The following ETV6 variants were observed in gnomAD, a reference collection of about 807,000 sequenced individuals.
ETV6 encodes the protein ETS variant transcription factor 6, also known as transcription factor ETV6.
In ETV6, 16 loss-of-function variants were observed where a neutral mutation model predicts 51.1. That is an observed-to-expected ratio of 0.31 (90% CI 0.21 to 0.48). The LOEUF (loss-of-function observed/expected upper bound fraction) is 0.48. Among genes scored for constraint, ETV6 ranks in the 20% least tolerant of loss-of-function variants. The pLI, the probability that ETV6 is intolerant of heterozygous loss-of-function variation, is 0.99. For missense variants in ETV6, 458 were observed against 594.8 expected, an observed-to-expected ratio of 0.77 and a Z score of 2.39; for synonymous variants, 240 against 224.1, an observed-to-expected ratio of 1.07 and a Z score of -0.64.
rs575351016 is a variant in ETV6 at position 11,834,595 on chromosome 12, G to A, written c.164-4545G>A. ...CTTATCAACTCTGAAGTACTACCCC[G>A]ATGCAAGCAGTTATGTTGATTATTG... On this transcript the variant is annotated intron_variant, in intron 2 of 7. Coordinates refer to ENST00000396373, the MANE Select transcript of ETV6 (RefSeq NM_001987.5). 1.6e-3 allele frequency among the ~76,000 whole-genome samples: 247 copies of A among 152,256 alleles called. 1 individual carries two copies. Among genetic ancestry groups the A allele is most frequent in the Non-Finnish European group, 2.9e-3 (195 of 68,020 alleles).
At chr12:11,815,834 T>C (rs534533214) in intron 2 of ETV6, among the ~76,000 whole-genome samples, 1 of 152,220 alleles carries the variant, frequency 6.6e-6, no homozygotes, top group South Asian at 2.1e-4. Flanking sequence ...TAGTAGAAAC[T>C]CTTGGAACCT....
intron 2 of ETV6, among the ~76,000 whole-genome samples, chr12:11,784,999 G>A (rs1038152617): frequency 1.3e-5 from 2 of 151,232 alleles, no homozygotes; most frequent in Non-Finnish European, 2.9e-5. Flanking sequence ...GAACCACTGC[G>A]CCTGGCCGGG....
Position 11,893,488 on chromosome 12 carries a change from G to A in ETV6, c.*2442G>A, listed in dbSNP as rs1256401487. ...TCAGCCACTTGAAGAAGAAATAGAA[G>A]GCGCTCATTCCAATATAGTCTTTAT... On this transcript the variant is annotated 3_prime_UTR_variant, in exon 8 of 8. Coordinates refer to ENST00000396373, the MANE Select transcript of ETV6 (RefSeq NM_001987.5). 1 of 231,694 alleles carries A rather than the reference G, an allele frequency of 4.3e-6. No individual in the cohort carries two copies. Among genetic ancestry groups the A allele is most frequent in the Non-Finnish European group, 8.5e-6 (1 of 117,270 alleles). 14.4% of individuals were successfully genotyped at this position (231,694 alleles called of 1,614,324 possible).
At chr12:11,722,389 C>G (rs946902626) in intron 1 of ETV6, among the ~76,000 whole-genome samples, 4 of 152,142 alleles carry the variant, frequency 2.6e-5, no homozygotes, top group African/African-American at 9.7e-5. Context: ...TGAGTTAACT[C>G]CAGTAAAATG....
intron 5 of ETV6, among the ~76,000 whole-genome samples, chr12:11,879,336 C>G (rs1311186419): frequency 6.6e-6 from 1 of 152,136 alleles, no homozygotes; most frequent in South Asian, 2.1e-4. Context: ...TAAACATTCC[C>G]TATGTCAATA....
rs944596165 is a variant in ETV6, at chr12:11,791,657, G to C, written c.163+39078G>C. Among the ~76,000 whole-genome samples, 3 of 152,208 alleles carry C rather than the reference G, an allele frequency of 2.0e-5. No homozygotes were observed. In the East Asian group the frequency reaches 5.8e-4, roughly 29 times the overall value. On this transcript the variant is annotated intron_variant, in intron 2 of 7. Coordinates refer to ENST00000396373, the MANE Select transcript of ETV6 (RefSeq NM_001987.5). Reference sequence around the variant, plus strand: ...GAAGAATCTGGATAGAACCCAGATAGTTATATTTTTGTTTTTACACTGACC... The same window carrying C: ...GAAGAATCTGGATAGAACCCAGATACTTATATTTTTGTTTTTACACTGACC...
chr12:11,886,067 G>C lies in ETV6; in HGVS notation c.1253+41G>C, dbSNP rs189708945. Reference sequence around the variant, plus strand: ...TCTCCTTTCCTTCTTTTGGGAGGATGCTGTTTTCTTTAAATAACGGGGAGT... The same window carrying C: ...TCTCCTTTCCTTCTTTTGGGAGGATCCTGTTTTCTTTAAATAACGGGGAGT... On this transcript the variant is annotated intron_variant, in intron 7 of 7. Transcript: ENST00000396373. The C allele has an allele frequency of 1.9e-4, 278 of 1,445,006 alleles. 1 individual carries two copies. The African/African-American group carries it at 3.4e-3, about 18-fold the overall frequency. The allele number at this position is 1,445,006 out of a possible 1,614,324, so 89.5% of individuals were successfully genotyped here. A position where few individuals can be genotyped will look rare whatever the true frequency, so the allele number is the denominator to read the frequency against.
chr12:11,876,156 G>A (rs1308669674), intron 5 of ETV6, among the ~76,000 whole-genome samples: 1 of 152,106 alleles, frequency 6.6e-6, no homozygotes, highest in Non-Finnish European at 1.5e-5. Flanking sequence ...GACAGGTTCT[G>A]GACTGCAGGC....
chr12:11,813,172 A>C (rs937741092), intron 2 of ETV6, among the ~76,000 whole-genome samples: 6 of 152,248 alleles, frequency 3.9e-5, no homozygotes, highest in Non-Finnish European at 7.3e-5. Context: ...AGATACAGGA[A>C]ATCAGAATTT....
intron 1 of ETV6, among the ~76,000 whole-genome samples, chr12:11,659,821 A>G (rs1006106742): frequency 6.6e-6 from 1 of 152,060 alleles, no homozygotes; most frequent in Non-Finnish European, 1.5e-5. Context: ...AAGTTCTGGC[A>G]CTGCTAAGAG....
At chr12:11,864,573 T>A (rs1001077166) in intron 4 of ETV6, among the ~76,000 whole-genome samples, 5 of 152,172 alleles carry the variant, frequency 3.3e-5, no homozygotes, top group African/African-American at 1.2e-4. Flanking sequence ...ATAAATACAT[T>A]TCTATGGGCA....
chr12:11,748,565 A>G (rs541334749), intron 1 of ETV6, among the ~76,000 whole-genome samples: 3 of 152,296 alleles, frequency 2.0e-5, no homozygotes, highest in African/African-American at 4.8e-5. Flanking sequence ...CCCGTGATTT[A>G]TGGAAGCTTT....
In ETV6 at chr12:11,701,275, C is replaced by T. The variant is rs189916579; in HGVS notation, c.33+51115C>T. Among the ~76,000 whole-genome samples, 401 of 152,274 alleles carry T rather than the reference C, an allele frequency of 2.6e-3. 8 individuals carry two copies. Among genetic ancestry groups the T allele is most frequent in the Admixed American group, 0.023 (357 of 15,298 alleles). The stretch of plus-strand genomic sequence containing the variant: ...CAGCTGAAACTCTGTCCCCAGCAAA[C>T]GCTGGCATGCCCTTCTCCCCTCCCC... On this transcript the variant is annotated intron_variant, in intron 1 of 7. Transcript: ENST00000396373.
intron 2 of ETV6, among the ~76,000 whole-genome samples, chr12:11,770,403 A>G (rs1045690597): frequency 6.6e-6 from 1 of 151,702 alleles, no homozygotes; most frequent in Non-Finnish European, 1.5e-5. Context: ...GCCTATGCCC[A>G]TGTTAAAGGA....
chr12:11,894,023 C>T lies in ETV6; in HGVS notation c.*2977C>T, dbSNP rs76396773. The T allele has an allele frequency of 0.074, 16,596 of 225,760 alleles. 733 individuals are homozygous for T. The highest frequency in any genetic ancestry group is 0.15 in the Admixed American group (2,629 of 17,534). 14.0% of individuals were successfully genotyped at this position (225,760 alleles called of 1,614,324 possible). A position where few individuals can be genotyped will look rare whatever the true frequency, so the allele number is the denominator to read the frequency against. On this transcript the variant is annotated 3_prime_UTR_variant, in exon 8 of 8. Coordinates refer to ENST00000396373, the MANE Select transcript of ETV6 (RefSeq NM_001987.5). ...CTTCATTTGTTCTTTATGAGAAAACCCGGGTAGTGCCAGCACCTGGATACA... is the reference window on the plus strand; with the variant it reads ...CTTCATTTGTTCTTTATGAGAAAACTCGGGTAGTGCCAGCACCTGGATACA...
At chr12:11,840,018 A>C (rs1281735171) in intron 3 of ETV6, among the ~76,000 whole-genome samples, 4 of 152,212 alleles carry the variant, frequency 2.6e-5, no homozygotes, top group African/African-American at 9.6e-5. Context: ...AGAAAATAGA[A>C]CTGGGGGAAC....
chr12:11,723,942 A>G (rs1177383256), intron 1 of ETV6, among the ~76,000 whole-genome samples: 2 of 151,810 alleles, frequency 1.3e-5, no homozygotes, highest in East Asian at 3.9e-4. Context: ...GGCCGGACCT[A>G]CACTCTCGGG....
intron 1 of ETV6, among the ~76,000 whole-genome samples, chr12:11,671,129 A>AGG (rs1565480489): frequency 1.3e-5 from 2 of 151,922 alleles, no homozygotes; most frequent in East Asian, 1.9e-4. Flanking sequence ...TAAGGTTGGC[A>AGG]GGGCGGGGAA....
chr12:11,736,068 T>C (rs535888293), intron 1 of ETV6, among the ~76,000 whole-genome samples: 5 of 152,226 alleles, frequency 3.3e-5, no homozygotes, highest in Non-Finnish European at 5.9e-5. Context: ...TTCTTTTCCT[T>C]TTCCCTTAAG....
Sources: allele counts gnomAD v4.1 joint callset (sites outside exome capture counted in the v4.1 genomes callset), GRCh38; gene constraint gnomAD v4.1.1; transcripts MANE v1.5; gene names NCBI Gene and HGNC (gene_info 2026-07-23, HGNC 2026-07-21).